Variants in LYPD6 observed in about 807,000 individuals in gnomAD.
LYPD6 encodes the protein LY6/PLAUR domain containing 6, also known as ly6/PLAUR domain-containing protein 6.
LYPD6 carries 15 observed loss-of-function variants against 22.7 expected under a neutral mutation model. The observed-to-expected ratio is 0.66, with a 90% confidence interval of 0.44 to 1.02. The LOEUF (loss-of-function observed/expected upper bound fraction) is 1.02, where lower values mean the gene tolerates loss of function less well. LYPD6 is among the 50% of genes least tolerant of loss of function. LYPD6 has a pLI of 0.00. For missense variants in LYPD6, 189 were observed against 208.4 expected, an observed-to-expected ratio of 0.91 and a Z score of 0.57; for synonymous variants, 72 against 77.5, an observed-to-expected ratio of 0.93 and a Z score of 0.37.
At chr2:149,460,580 A>G (rs1395574903) in intron 3 of LYPD6, among the ~76,000 whole-genome samples, 2 of 152,210 alleles carry the variant, frequency 1.3e-5, no homozygotes, top group African/African-American at 4.8e-5. Flanking sequence ...ATAGAACTAC[A>G]GAAAGAAAAT....
At chr2:149,445,024 A>G (rs1683654627) in intron 2 of LYPD6, among the ~76,000 whole-genome samples, 1 of 152,156 alleles carries the variant, frequency 6.6e-6, no homozygotes, top group African/African-American at 2.4e-5. Context: ...AAAACTTGAA[A>G]CTCAAAATGA....
chr2:149,446,918 A>C (rs1388776106), intron 2 of LYPD6, among the ~76,000 whole-genome samples: 1 of 152,112 alleles, frequency 6.6e-6, no homozygotes, highest in Non-Finnish European at 1.5e-5. Context: ...CTTCTCCTTC[A>C]TTTATTTTTG....
At chr2:149,463,291 A>G (rs901377544) in intron 3 of LYPD6, among the ~76,000 whole-genome samples, 2 of 152,192 alleles carry the variant, frequency 1.3e-5, no homozygotes, top group Non-Finnish European at 1.5e-5. Context: ...AACATTTAAC[A>G]TCATTAGCCA....
intron 1 of LYPD6, among the ~76,000 whole-genome samples, chr2:149,418,808 A>G (rs1467731936): frequency 1.3e-5 from 2 of 152,196 alleles, no homozygotes; most frequent in Admixed American, 1.3e-4. Flanking sequence ...TAAAACCTAA[A>G]TGACCACTTT....
intron 1 of LYPD6, among the ~76,000 whole-genome samples, chr2:149,425,057 T>C (rs534887392): frequency 6.6e-6 from 1 of 152,322 alleles, no homozygotes; most frequent in East Asian, 1.9e-4. Flanking sequence ...CTCCATTTTT[T>C]CCTTCCTTTT....
chr2:149,332,429 T>C (rs1325791212), intron 1 of LYPD6, among the ~76,000 whole-genome samples: 2 of 152,328 alleles, frequency 1.3e-5, no homozygotes, highest in Middle Eastern at 3.4e-3. Flanking sequence ...ATCGGGCTGA[T>C]TCTAGGCAAA....
At chr2:149,344,845 T>C (rs1476521193) in intron 1 of LYPD6, among the ~76,000 whole-genome samples, 1 of 152,164 alleles carries the variant, frequency 6.6e-6, no homozygotes. Flanking sequence ...CAGATGTTTT[T>C]TAAAGTGAGG....
At chr2:149,484,255 C>T in the LYPD6 span, among the ~76,000 whole-genome samples, 1 of 152,164 alleles carries the variant, frequency 6.6e-6, no homozygotes, top group Non-Finnish European at 1.5e-5. Flanking sequence ...CAATGTGACT[C>T]TTTTGGTGTG....
intron 1 of LYPD6, chr2:149,368,138 C>T (rs1348189721): frequency 6.6e-6 from 1 of 152,198 alleles, no homozygotes; most frequent in East Asian, 1.9e-4. Flanking sequence ...AGGCTGTAAA[C>T]CTAATCCTAA....
intron 3 of LYPD6, among the ~76,000 whole-genome samples, chr2:149,463,632 G>C (rs1681135326): frequency 6.6e-6 from 1 of 152,110 alleles, no homozygotes; most frequent in Non-Finnish European, 1.5e-5. Context: ...AAACAAACCT[G>C]GATGTCCTTT....
Position 149,468,633 on chromosome 2 carries a change from C to A in LYPD6, c.218-12C>A, listed in dbSNP as rs1281024844. On this transcript the variant is annotated splice_polypyrimidine_tract_variant and intron_variant, in intron 3 of 4. Transcript: ENST00000334166. ...ACATTTCCCATCTCAAATATATTTTCTCTGTTGACAGAGACCAGATACTGC... is the reference window on the plus strand; with the variant it reads ...ACATTTCCCATCTCAAATATATTTTATCTGTTGACAGAGACCAGATACTGC... 6.2e-7 allele frequency: 1 copy of A among 1,609,512 alleles called. No homozygotes were observed. Among genetic ancestry groups the A allele is most frequent in the Non-Finnish European group, 8.5e-7 (1 of 1,178,686 alleles).
intron 1 of LYPD6, among the ~76,000 whole-genome samples, chr2:149,405,599 A>C (rs1682683534): frequency 1.3e-5 from 2 of 152,016 alleles, no homozygotes; most frequent in Admixed American, 1.3e-4. Flanking sequence ...ATCATTTTTT[A>C]TTGGTCTATT....
At chr2:149,344,416 C>T (rs951056325) in intron 1 of LYPD6, among the ~76,000 whole-genome samples, 1 of 152,082 alleles carries the variant, frequency 6.6e-6, no homozygotes, top group Non-Finnish European at 1.5e-5. Flanking sequence ...GCCCAATATC[C>T]TAATAAAAAT....
chr2:149,480,151 AG>A, the LYPD6 span, among the ~76,000 whole-genome samples: 1 of 151,974 alleles, frequency 6.6e-6, no homozygotes, highest in East Asian at 1.9e-4. Flanking sequence ...CTGGGATTAC[AG>A]GCATGCACCA....
At position 149,468,706 on chromosome 2, in the gene LYPD6, C is replaced by A. The variant is rs763693892; in HGVS notation, c.279C>A (p.Thr93=). The A allele has an allele frequency of 6.2e-7, 1 of 1,613,728 alleles. No homozygotes were observed. Among genetic ancestry groups the A allele is most frequent in the Non-Finnish European group, 8.5e-7 (1 of 1,179,700 alleles). ...TCACAGGAAACAGTATCTCAGTCAC[C>A]AAACGCTGTGTCCCACTGGAAGAGT... ...MEVTGNSISV[T]KRCVPLEECL... The change falls in exon 4 of 5, where the codon ACC becomes ACA. Residue 93 remains threonine, a synonymous_variant. Transcript: ENST00000334166.
intron 3 of LYPD6, among the ~76,000 whole-genome samples, chr2:149,455,076 G>A (rs773717356): frequency 1.3e-5 from 2 of 152,108 alleles, no homozygotes; most frequent in Non-Finnish European, 2.9e-5. Context: ...CAGGGGGCTT[G>A]TCTTTTCTCT....
intron 1 of LYPD6, among the ~76,000 whole-genome samples, chr2:149,432,094 T>A (rs1367800670): frequency 6.6e-6 from 1 of 152,084 alleles, no homozygotes; most frequent in Non-Finnish European, 1.5e-5. Flanking sequence ...ATAATTTTTT[T>A]AAAAAAGAAA....
intron 1 of LYPD6, among the ~76,000 whole-genome samples, chr2:149,402,638 C>G (rs1015965214): frequency 3.3e-5 from 5 of 152,020 alleles, no homozygotes; most frequent in African/African-American, 1.2e-4. Context: ...ACTAGTGATG[C>G]TGAGCATTTT....
At chr2:149,450,363 G>A (rs71413653) in intron 3 of LYPD6, among the ~76,000 whole-genome samples, 2,935 of 152,282 alleles carry the variant, frequency 0.019, 56 homozygotes, top group Middle Eastern at 0.041. Flanking sequence ...CACAAATTGA[G>A]CCAGCATTTC....
Sources: gnomAD v4.1 joint callset for allele counts (sites outside exome capture counted in the v4.1 genomes callset) on GRCh38, gnomAD v4.1.1 for gene constraint, MANE v1.5 for transcripts, NCBI Gene and HGNC (gene_info 2026-07-23, HGNC 2026-07-21) for gene names.